The following SKA3 variants were observed in gnomAD, a reference collection of about 807,000 sequenced individuals.
SKA3 encodes the protein spindle and kinetochore associated complex subunit 3.
In SKA3, 39 loss-of-function variants were observed where a neutral mutation model predicts 44.2. The ratio of observed to expected loss-of-function variants is 0.88; its 90% CI spans 0.68 to 1.15. The LOEUF (loss-of-function observed/expected upper bound fraction) is 1.15, where lower values mean the gene tolerates loss of function less well. SKA3 is among the 50% of genes most tolerant of loss of function. The pLI is 0.00. For missense variants in SKA3, 511 were observed against 485.8 expected, an observed-to-expected ratio of 1.05 and a Z score of -0.49; for synonymous variants, 192 against 172.0, an observed-to-expected ratio of 1.12 and a Z score of -0.91.
At chr13:21,162,735 G>T (rs957148284) in intron 4 of SKA3, among the ~76,000 whole-genome samples, 1 of 152,116 alleles carries the variant, frequency 6.6e-6, no homozygotes, top group African/African-American at 2.4e-5. Flanking sequence ...ATATACAAAA[G>T]AATATATATG....
rs1870011282 is a variant in SKA3, at chr13:21,154,791, CAGA to C, written c.*356_*358del. ...TGGCTGGCAGCAATGTCTCTCTGGC[CAGA>C]AGGTCAGGGGCGGCCTCATCTGAGT... On this transcript the variant is annotated 3_prime_UTR_variant, in exon 9 of 9. Transcript: ENST00000314759. 3 of 347,784 alleles carry C rather than the reference CAGA, an allele frequency of 8.6e-6. No individual in the cohort carries two copies. In the Admixed American group the frequency reaches 1.4e-4, roughly 16 times the overall value. 21.5% of individuals were successfully genotyped at this position (347,784 alleles called of 1,614,324 possible).
At chr13:21,174,051 AC>A (rs1480135878) in intron 1 of SKA3, among the ~76,000 whole-genome samples, 1 of 152,196 alleles carries the variant, frequency 6.6e-6, no homozygotes, top group African/African-American at 2.4e-5. Flanking sequence ...ACCATCTCAC[AC>A]CAGTTAGAAT....
chr13:21,171,709 T>G (rs1871062082), intron 3 of SKA3, among the ~76,000 whole-genome samples: 1 of 152,094 alleles, frequency 6.6e-6, no homozygotes, highest in Admixed American at 6.6e-5. Context: ...TTATACAATC[T>G]CATGAGATAG....
At chr13:21,169,637 G>A (rs889153873) in intron 3 of SKA3, among the ~76,000 whole-genome samples, 1 of 152,020 alleles carries the variant, frequency 6.6e-6, no homozygotes, top group South Asian at 2.1e-4. Context: ...TCATACTTTC[G>A]CTAATAAATC....
At chr13:21,175,003 G>A (rs60152320) in intron 1 of SKA3, among the ~76,000 whole-genome samples, 63,016 of 151,984 alleles carry the variant, frequency 0.41, 14,934 homozygotes, top group East Asian at 0.7. Context: ...TTTCTTAGAT[G>A]GAGTCTAAGA....
intron 7 of SKA3, 95 bp from the exon 8 acceptor site, chr13:21,155,906 G>T: frequency 1.3e-6 from 1 of 772,108 alleles, no homozygotes; most frequent in Non-Finnish European, 2.2e-6. Context: ...AAAAGCTATG[G>T]GGCGGGCATG....
Position 21,176,502 on chromosome 13 carries a change from C to T in SKA3, c.-25G>A. ...TGCTGAGCACAGCGGGGAAGGACTC[C>T]AGGCGTACGCAGACCCCACCGCTCA... On this transcript the variant is annotated 5_prime_UTR_variant, in exon 1 of 9. Transcript: ENST00000314759. The T allele has an allele frequency of 6.8e-7, 1 of 1,460,572 alleles. No homozygotes were observed. Among genetic ancestry groups the T allele is most frequent in the Non-Finnish European group, 9.1e-7 (1 of 1,094,986 alleles). 90.5% of individuals were successfully genotyped at this position (1,460,572 alleles called of 1,614,324 possible).
At chr13:21,165,637 A>G (rs951553262) in intron 4 of SKA3, among the ~76,000 whole-genome samples, 3 of 152,108 alleles carry the variant, frequency 2.0e-5, no homozygotes, top group Admixed American at 6.6e-5. Context: ...TGGCCAGAAC[A>G]TCAAGAATGA....
intron 5 of SKA3, 60 bp from the exon 6 acceptor site, chr13:21,160,047 G>T: frequency 9.2e-7 from 1 of 1,087,346 alleles, no homozygotes; most frequent in Non-Finnish European, 1.2e-6. Flanking sequence ...TAACTGGACA[G>T]GAAGAAAATC....
intron 4 of SKA3, among the ~76,000 whole-genome samples, chr13:21,164,794 G>A (rs1240881266): frequency 6.6e-6 from 1 of 151,850 alleles, no homozygotes; most frequent in Non-Finnish European, 1.5e-5. Context: ...TGCGCAGGCT[G>A]GTTTCAAACT....
At chr13:21,164,232 TTTTATGATACAG>T in intron 4 of SKA3, among the ~76,000 whole-genome samples, 1 of 152,234 alleles carries the variant, frequency 6.6e-6, no homozygotes, top group Non-Finnish European at 1.5e-5. Flanking sequence ...TGGTCAAATA[TTTTATGATACAG>T]TGGTTTAAAG....
chr13:21,161,015 T>A (rs1054368276), intron 5 of SKA3, among the ~76,000 whole-genome samples: 5 of 151,960 alleles, frequency 3.3e-5, no homozygotes, highest in African/African-American at 1.2e-4. Context: ...CCCTGCTACG[T>A]GGGGGCTGAG....
intron 4 of SKA3, among the ~76,000 whole-genome samples, chr13:21,163,205 A>AAAAGAAAGAAAG (rs59824329): frequency 4.5e-4 from 67 of 149,646 alleles, no homozygotes; most frequent in African/African-American, 1.4e-3. Context: ...TCTAAAAATA[A>AAAAGAAAGAAAG]AAAGAAAGAA....
chr13:21,158,873 CAG>C (rs1870281982), intron 6 of SKA3, among the ~76,000 whole-genome samples: 1 of 152,114 alleles, frequency 6.6e-6, no homozygotes, highest in Non-Finnish European at 1.5e-5. Context: ...TCTCTCAGGT[CAG>C]AGTTAAGAGA....
At chr13:21,174,134 G>C (rs570050301) in intron 1 of SKA3, among the ~76,000 whole-genome samples, 1 of 152,366 alleles carries the variant, frequency 6.6e-6, no homozygotes, top group Non-Finnish European at 1.5e-5. Context: ...CTTTTACACT[G>C]TTGGTAGGAC....
intron 7 of SKA3, 103 bp downstream of exon 7, chr13:21,157,819 C>T: frequency 1.5e-6 from 1 of 661,414 alleles, no homozygotes; most frequent in South Asian, 2.8e-5. Context: ...GCACACTAGC[C>T]CAATGATAAA....
intron 4 of SKA3, among the ~76,000 whole-genome samples, chr13:21,164,069 T>C (rs1870581198): frequency 6.7e-6 from 1 of 148,884 alleles, no homozygotes; most frequent in Non-Finnish European, 1.5e-5. Context: ...CGGCCTCTTC[T>C]TTTGTTAATT....
Position 21,161,789 on chromosome 13 carries a change from C to T in SKA3, c.829+1G>A, listed in dbSNP as rs202104082. ...AGAAGTAACTTGATTCTTATACTTA[C>T]CACTTTTTTCCAACTGCTGGATGAT... On this transcript the variant is annotated splice_donor_variant, in intron 5 of 8. Coordinates refer to ENST00000314759, the MANE Select transcript of SKA3 (RefSeq NM_145061.6). LOFTEE classifies it high-confidence loss of function. 4.1e-6 allele frequency: 5 copies of T among 1,216,340 alleles called. No individual in the cohort carries two copies. The highest frequency in any genetic ancestry group is 4.4e-6 in the Non-Finnish European group (4 of 907,150). 75.3% of individuals were successfully genotyped at this position (1,216,340 alleles called of 1,614,324 possible).
chr13:21,167,810 T>C (rs1267600784), intron 4 of SKA3, among the ~76,000 whole-genome samples, 178 bp downstream of exon 4: 1 of 148,388 alleles, frequency 6.7e-6, no homozygotes. Flanking sequence ...AACTTATTGA[T>C]GTAACCAAAC....
Sources: allele counts gnomAD v4.1 joint callset (sites outside exome capture counted in the v4.1 genomes callset), GRCh38; gene constraint gnomAD v4.1.1; transcripts MANE v1.5; gene names NCBI Gene and HGNC (gene_info 2026-07-23, HGNC 2026-07-21).